Variants in TRAK1 observed in about 807,000 individuals in gnomAD.
TRAK1 encodes trafficking kinesin protein 1.
TRAK1 carries 33 observed loss-of-function variants against 92.1 expected under a neutral mutation model. That is an observed-to-expected ratio of 0.36 (90% CI 0.27 to 0.48). The LOEUF is 0.48. Among genes scored for constraint, TRAK1 ranks in the 20% least tolerant of loss-of-function variants. The pLI is 0.99. For missense variants in TRAK1, 1,123 were observed against 1,257.9 expected, an observed-to-expected ratio of 0.89 and a Z score of 1.62; for synonymous variants, 521 against 517.3, an observed-to-expected ratio of 1.01 and a Z score of -0.10.
At chr3:42,123,525 AG>A (rs1710176330) in intron 1 of TRAK1, among the ~76,000 whole-genome samples, 1 of 152,260 alleles carries the variant, frequency 6.6e-6, no homozygotes, top group African/African-American at 2.4e-5. Flanking sequence ...TGACTGCACC[AG>A]TCATTTCCTG....
chr3:42,199,252 A>C lies in TRAK1; in HGVS notation c.1189A>C (p.Thr397Pro). Residue 397 changes from threonine (T) to proline (P), a missense_variant and splice_region_variant, in exon 11 of 16, where the codon ACT (threonine) becomes CCT (proline). Thr to Pro is a conservative substitution (Grantham distance 38, BLOSUM62 -1). Transcript: ENST00000327628. ...QLEEAESPDI[T>P]HQKRVFETVR... is the part of the protein sequence containing the mutation. Reference sequence around the variant, plus strand: ...GGAAGAGGCCGAGTCTCCAGACATCACGTACGGCCACAGTTTTTACAGTTT... The same window carrying C: ...GGAAGAGGCCGAGTCTCCAGACATCCCGTACGGCCACAGTTTTTACAGTTT... 6.2e-7 allele frequency: 1 copy of C among 1,614,064 alleles called. No individual in the cohort carries two copies. The highest frequency in any genetic ancestry group is 8.5e-7 in the Non-Finnish European group (1 of 1,180,012).
At chr3:42,090,861 A>G (rs1704989040), upstream of TRAK1, among the ~76,000 whole-genome samples, 1 of 152,192 alleles carries the variant, frequency 6.6e-6, no homozygotes, top group Admixed American at 6.5e-5. Flanking sequence ...CAGGAGAGTA[A>G]ACACAGACAC....
intron 1 of TRAK1, among the ~76,000 whole-genome samples, chr3:42,025,000 C>T (rs887083708): frequency 1.3e-5 from 2 of 152,180 alleles, no homozygotes; most frequent in African/African-American, 4.8e-5. Flanking sequence ...GAAATTCTTT[C>T]CCTTCCTGAT....
At position 42,122,758 on chromosome 3, in the gene TRAK1, C is replaced by G. The variant is rs78762583; in HGVS notation, c.92-2662C>G. 6.0e-3 allele frequency among the ~76,000 whole-genome samples: 911 copies of G among 152,286 alleles called. 34 individuals are homozygous for G. The East Asian group carries it at 0.11, about 18-fold the overall frequency. ...GATGGGAAGAAATGTGAAAAATCTTCTGCCTTGAGGTTGGGCTATTGCTCT... is the reference window on the plus strand; with the variant it reads ...GATGGGAAGAAATGTGAAAAATCTTGTGCCTTGAGGTTGGGCTATTGCTCT... On this transcript the variant is annotated intron_variant, in intron 1 of 15. Coordinates refer to ENST00000327628, the MANE Select transcript of TRAK1 (RefSeq NM_001042646.3).
At position 42,223,609 on chromosome 3, in the gene TRAK1, A is replaced by C; in HGVS notation, c.2734A>C (p.Ser912Arg). The C allele has an allele frequency of 1.2e-6, 2 of 1,613,876 alleles. No homozygotes were observed. The highest frequency in any genetic ancestry group is 1.7e-6 in the Non-Finnish European group (2 of 1,179,994). Residue 912 changes from serine (S) to arginine (R), a missense_variant, in exon 16 of 16, where the codon AGT becomes CGT. By Grantham distance (110) the Ser-to-Arg change is moderately radical. Coordinates refer to ENST00000327628, the MANE Select transcript of TRAK1 (RefSeq NM_001042646.3). This position sits in a 1 kb window ranked among gnomAD's most constrained non-coding sequence, Gnocchi z 6.1. ...TGCCATCGGTGGGCTGCAGCTCAAT[A>C]GTGGCATCCGGCGGAATCGCAGCTT... ...TSAIGGLQLNSGIRRNRSFPT... is the reference protein window; with the variant it reads ...TSAIGGLQLNRGIRRNRSFPT...
intron 1 of TRAK1, among the ~76,000 whole-genome samples, chr3:42,039,960 G>A (rs1036777521): frequency 6.6e-6 from 1 of 152,132 alleles, no homozygotes; most frequent in African/African-American, 2.4e-5. Context: ...TGCATTTCAG[G>A]ACGGCTGATG....
At chr3:42,111,752 A>G (rs1005335485) in intron 1 of TRAK1, among the ~76,000 whole-genome samples, 5 of 151,864 alleles carry the variant, frequency 3.3e-5, no homozygotes, top group African/African-American at 4.8e-5. Flanking sequence ...AACCCATATT[A>G]TTTTCTTATT....
At chr3:42,022,919 G>A (rs1701773604) in intron 1 of TRAK1, among the ~76,000 whole-genome samples, 2 of 151,910 alleles carry the variant, frequency 1.3e-5, no homozygotes, top group Non-Finnish European at 2.9e-5. Context: ...AGCACTTTGG[G>A]AGGCTGAGGC....
intron 1 of TRAK1, among the ~76,000 whole-genome samples, chr3:42,020,302 A>G (rs1701678792): frequency 6.6e-6 from 1 of 152,132 alleles, no homozygotes; most frequent in Non-Finnish European, 1.5e-5. Context: ...TACATATACC[A>G]CTTGTACTGC....
chr3:42,107,940 A>G (rs1020913927), intron 1 of TRAK1, among the ~76,000 whole-genome samples: 11 of 151,162 alleles, frequency 7.3e-5, no homozygotes, highest in Admixed American at 1.3e-4. Flanking sequence ...CCTTAAGGTC[A>G]TGTCACATCT....
chr3:42,031,385 G>A (rs1468204978), intron 1 of TRAK1, among the ~76,000 whole-genome samples: 1 of 151,776 alleles, frequency 6.6e-6, no homozygotes, highest in Non-Finnish European at 1.5e-5. Context: ...ACTGGACATG[G>A]TGGCTTATGC....
intron 1 of TRAK1, among the ~76,000 whole-genome samples, chr3:42,106,498 G>A (rs1707589189): frequency 6.6e-6 from 1 of 152,174 alleles, no homozygotes; most frequent in Non-Finnish European, 1.5e-5. Flanking sequence ...GCAACATAGT[G>A]AGACCTCTTC....
In TRAK1 at chr3:42,184,618, A is replaced by C. The variant is rs913856334; in HGVS notation, c.364-67A>C. 9.7e-6 allele frequency: 14 copies of C among 1,442,624 alleles called. No individual in the cohort carries two copies. In the African/African-American group the frequency reaches 2.0e-4, roughly 20 times the overall value. 89.4% of individuals were successfully genotyped at this position (1,442,624 alleles called of 1,614,324 possible). A position where few individuals can be genotyped will look rare whatever the true frequency, so the allele number is the denominator to read the frequency against. On this transcript the variant is annotated intron_variant, in intron 3 of 15. Coordinates refer to ENST00000327628, the MANE Select transcript of TRAK1 (RefSeq NM_001042646.3). ...CTTATGTTTTCCTCATTTGACACTG[A>C]GCACCATTGACTCCTTCAGGAAACA...
At chr3:42,218,196 G>A (rs1709923842) in intron 14 of TRAK1, 7 of 985,178 alleles carry the variant, frequency 7.1e-6, no homozygotes, top group Non-Finnish European at 8.4e-6. Context: ...TTTTTTGTTT[G>A]TGTCATCGGG....
chr3:42,050,694 A>G (rs568172440), intron 1 of TRAK1, among the ~76,000 whole-genome samples: 44 of 151,960 alleles, frequency 2.9e-4, no homozygotes, highest in African/African-American at 8.2e-4. Flanking sequence ...GTCTTGCTCT[A>G]TTGCCCAGGT....
At chr3:42,136,812 A>G (rs1408535317) in intron 2 of TRAK1, among the ~76,000 whole-genome samples, 3 of 151,930 alleles carry the variant, frequency 2.0e-5, no homozygotes, top group Non-Finnish European at 4.4e-5. Flanking sequence ...CCTCCCGAGT[A>G]GCTGGGATTA....
At chr3:42,195,621 G>T (rs1307412056) in intron 10 of TRAK1, among the ~76,000 whole-genome samples, 1 of 151,436 alleles carries the variant, frequency 6.6e-6, no homozygotes, top group Non-Finnish European at 1.5e-5. Context: ...TTGTTGTCTG[G>T]CCCACCTTCC....
At chr3:42,055,543 G>T (rs1449650333) in intron 1 of TRAK1, among the ~76,000 whole-genome samples, 1 of 152,184 alleles carries the variant, frequency 6.6e-6, no homozygotes, top group Non-Finnish European at 1.5e-5. Flanking sequence ...GCTTACTGCA[G>T]CCTCGACCTC....
chr3:42,117,427 C>CTCTCCTGTTCTTCTCTCCTCCT (rs1709305354), intron 1 of TRAK1, among the ~76,000 whole-genome samples: 1 of 152,014 alleles, frequency 6.6e-6, no homozygotes, highest in Non-Finnish European at 1.5e-5. Context: ...CCTTTCCTCC[C>CTCTCCTGTTCTTCTCTCCTCCT]TCTCCTGTTC....
Sources: allele counts gnomAD v4.1 joint callset (sites outside exome capture counted in the v4.1 genomes callset), GRCh38; gene constraint gnomAD v4.1.1; non-coding constraint Gnocchi (gnomAD v3.1); transcripts MANE v1.5; gene names NCBI Gene and HGNC (gene_info 2026-07-23, HGNC 2026-07-21).